The following VARS1 variants were observed in gnomAD, a reference collection of about 807,000 sequenced individuals.
The protein encoded by VARS1 is valine--tRNA ligase.
VARS1 carries 92 observed loss-of-function variants against 161.0 expected under a neutral mutation model. The ratio of observed to expected loss-of-function variants is 0.57; its 90% CI spans 0.48 to 0.68. The LOEUF (loss-of-function observed/expected upper bound fraction) is 0.68. VARS1 is among the 30% of genes least tolerant of loss of function. The pLI is 0.00. For missense variants in VARS1, 1,338 were observed against 1,695.9 expected (o/e 0.79, Z 3.71); for synonymous variants, 595 against 682.5 (o/e 0.87, Z 2.00).
In VARS1 at chr6:31,784,211, C is replaced by T. The variant is rs1209621454; in HGVS notation, c.1671+3G>A. The T allele has an allele frequency of 1.2e-6, 2 of 1,614,148 alleles. No homozygotes were observed. The highest frequency in any genetic ancestry group is 1.7e-6 in the Non-Finnish European group (2 of 1,180,022). On this transcript the variant is annotated splice_donor_region_variant and intron_variant, in intron 13 of 29. Coordinates refer to ENST00000375663, the MANE Select transcript of VARS1 (RefSeq NM_006295.3). This position sits in a 1 kb window ranked among gnomAD's most constrained non-coding sequence, Gnocchi z 6.1. Reference sequence around the variant, plus strand: ...CCTTCCCTAACTGTGGACAGTCCCCCACCTGGTATCTGGTATCTTTGGGGT... The same window carrying T: ...CCTTCCCTAACTGTGGACAGTCCCCTACCTGGTATCTGGTATCTTTGGGGT...
chr6:31,783,414 G>A (rs150826336), intron 13 of VARS1, among the ~76,000 whole-genome samples: 267 of 152,200 alleles, frequency 1.8e-3, no homozygotes, highest in Middle Eastern at 3.4e-3. Context: ...AGAGGCTGAG[G>A]CACAAGTACT....
At chr6:31,794,802 C>G (rs577487619) in intron 2 of VARS1, 29 bp downstream of exon 2, 87 of 1,515,356 alleles carry the variant, frequency 5.7e-5, no homozygotes, top group Non-Finnish European at 7.1e-5. Flanking sequence ...GAATTTCTCC[C>G]CTCCCCCTCT....
At chr6:31,789,345 G>A (rs1051310684) in intron 8 of VARS1, among the ~76,000 whole-genome samples, 1 of 152,068 alleles carries the variant, frequency 6.6e-6, no homozygotes, top group African/African-American at 2.4e-5. Context: ...AACCTGACTG[G>A]CCAAAAAACA....
Position 31,782,365 on chromosome 6 carries a change from G to A in VARS1, c.2070C>T (p.Ser690=), listed in dbSNP as rs777386611. The change falls in exon 17 of 30, where the codon AGC becomes AGT. Residue 690 remains serine, a synonymous_variant. Coordinates refer to ENST00000375663, the MANE Select transcript of VARS1 (RefSeq NM_006295.3). This position sits in a 1 kb window ranked among gnomAD's most constrained non-coding sequence, Gnocchi z 8.3. ...VRCGEMAQAA[S]AAVTRGDLRI... ...GGAGGTCACCCCGAGTCACAGCGGC[G>A]CTGGCAGCCTGGGCCATCTCCCCGC... The A allele has an allele frequency of 5.3e-5, 85 of 1,612,570 alleles. No homozygotes were observed. The highest frequency in any genetic ancestry group is 1.6e-4 in the Middle Eastern group (1 of 6,080).
rs370147590 is a variant in VARS1 at position 31,782,407 on chromosome 6, C to T, written c.2028G>A (p.Pro676=). 36 of 1,612,074 alleles carry T rather than the reference C, an allele frequency of 2.2e-5. No individual in the cohort carries two copies. The highest frequency in any genetic ancestry group is 1.2e-4 in the South Asian group (11 of 90,942). The change falls in exon 17 of 30, where the codon CCG becomes CCA. Residue 676 remains proline, a synonymous_variant. Coordinates refer to ENST00000375663, the MANE Select transcript of VARS1 (RefSeq NM_006295.3). This position sits in a 1 kb window ranked among gnomAD's most constrained non-coding sequence, Gnocchi z 8.3. ...TCTCCCCGCAGCGAACGTACCACTG[C>T]GGCCGCAGCAGAGGCTCTACCACGT... ...SKDVVEPLLR[P]QWYVRCGEMA... is the part of the protein sequence containing the mutation.
In VARS1 at chr6:31,777,650, C is replaced by T; in HGVS notation, c.3739G>A (p.Glu1247Lys). Residue 1247 changes from glutamate (E) to lysine (K), a missense_variant, in exon 30 of 30, where the codon GAA becomes AAA. By Grantham distance (56) the Glu-to-Lys change is moderately conservative. This residue lies in a region of VARS1 where 433 missense variants were observed against 586.2 expected (regional missense o/e 0.74). Transcript: ENST00000375663. The surrounding 1 kb of genome is among the most constrained non-coding windows in gnomAD (Gnocchi z 5.8). ...EADEAKLQQT[E>K]AELRKVDEAI... The stretch of plus-strand genomic sequence containing the variant: ...TCATCCACCTTCCTGAGCTCTGCTT[C>T]TGTCTGTTGGAGCTGGAGTGGAACC... 6.2e-7 allele frequency: 1 copy of T among 1,613,844 alleles called. No homozygotes were observed. Among genetic ancestry groups the T allele is most frequent in the Non-Finnish European group, 8.5e-7 (1 of 1,179,876 alleles).
At position 31,795,130 on chromosome 6, in the gene VARS1, C is replaced by T; in HGVS notation, c.88G>A (p.Gly30Ser). The change falls in exon 2 of 30, where the codon GGT (glycine) becomes AGT (serine). Residue 30 changes from glycine (G) to serine (S), a missense_variant. Gly to Ser is a moderately conservative substitution (Grantham distance 56). Coordinates refer to ENST00000375663, the MANE Select transcript of VARS1 (RefSeq NM_006295.3). This position sits in a 1 kb window ranked among gnomAD's most constrained non-coding sequence, Gnocchi z 6.9. ...IAARYGEAGE[G>S]PGWGGAHPRI... ...GGGTGGGCTCCTCCCCATCCGGGAC[C>T]CTCCCCAGCCTCCCCATAGCGAGCG... 1 of 1,483,848 alleles carries T rather than the reference C, an allele frequency of 6.7e-7. No individual in the cohort carries two copies. The allele number at this position is 1,483,848 out of a possible 1,614,324, so 91.9% of individuals were successfully genotyped here.
In VARS1 at chr6:31,785,999, G is replaced by A. The variant is rs574527279; in HGVS notation, c.1101-266C>T. 3.5e-4 allele frequency among the ~76,000 whole-genome samples: 53 copies of A among 152,332 alleles called. No homozygotes were observed. Among genetic ancestry groups the A allele is most frequent in the Middle Eastern group, 3.4e-3 (1 of 294 alleles). The stretch of plus-strand genomic sequence containing the variant: ...AAATTAGCTGGGCATGGTGGCATGC[G>A]CCTGTAATCCCAGCACTTTGGGAAG... On this transcript the variant is annotated intron_variant, in intron 8 of 29. Coordinates refer to ENST00000375663, the MANE Select transcript of VARS1 (RefSeq NM_006295.3). This position sits in a 1 kb window ranked among gnomAD's most constrained non-coding sequence, Gnocchi z 6.1.
rs750154252 is a variant in VARS1, at chr6:31,781,694, G to A, written c.2415C>T (p.Asn805=). 1.2e-6 allele frequency: 2 copies of A among 1,613,008 alleles called. No individual in the cohort carries two copies. The highest frequency in any genetic ancestry group is 2.2e-5 in the South Asian group (2 of 91,090). Residue 805 remains asparagine (N), a synonymous_variant, in exon 20 of 30, where the codon AAC becomes AAT. Coordinates refer to ENST00000375663, the MANE Select transcript of VARS1 (RefSeq NM_006295.3). This position sits in a 1 kb window ranked among gnomAD's most constrained non-coding sequence, Gnocchi z 6.8. ...AGCCCCGGCCCCAGGAACACACCTG[G>A]TTGGGCCAGCCCAAAATGGATAAGG... is the stretch of plus-strand genomic sequence containing the variant. The part of the protein sequence containing the change: ...LFPLSILGWP[N]QSEDLSVFYP...
Position 31,788,511 on chromosome 6 carries a change from C to CAA in VARS1, c.1101-2780_1101-2779dup, listed in dbSNP as rs71552082. On this transcript the variant is annotated intron_variant, in intron 8 of 29. Coordinates refer to ENST00000375663, the MANE Select transcript of VARS1 (RefSeq NM_006295.3). ...CTCTGTCTCAAAAAAACAAAAAAAA[C>CAA]AAAAAAAAAAACAGGCCAGGCGCGG... Among the ~76,000 whole-genome samples, 1,316 of 138,270 alleles carry CAA rather than the reference C, an allele frequency of 9.5e-3. 7 individuals carry two copies. Among genetic ancestry groups the CAA allele is most frequent in the South Asian group, 0.039 (163 of 4,224 alleles). The allele number at this position is 138,270 out of a possible 152,430, so 90.7% of individuals were successfully genotyped here.
rs368075745 is a variant in VARS1 at position 31,779,043 on chromosome 6, C to T, written c.3650G>A (p.Arg1217His). ...KRVEAQRQAQRLRERRAASGY... is the reference protein window; with the variant it reads ...KRVEAQRQAQHLRERRAASGY... ...CGAGGCAGCACGGCGTTCCCGCAGACGCTGGGCCTGCCGCTGGGCCTCAAC... is the reference window on the plus strand; with the variant it reads ...CGAGGCAGCACGGCGTTCCCGCAGATGCTGGGCCTGCCGCTGGGCCTCAAC... Residue 1217 changes from arginine to histidine, a missense_variant, in exon 29 of 30, where the codon CGT (arginine) becomes CAT (histidine). This residue lies in a region of VARS1 where 433 missense variants were observed against 586.2 expected (regional missense o/e 0.74). Coordinates refer to ENST00000375663, the MANE Select transcript of VARS1 (RefSeq NM_006295.3). The surrounding 1 kb of genome is among the most constrained non-coding windows in gnomAD (Gnocchi z 9.1). The T allele has an allele frequency of 1.4e-4, 231 of 1,612,670 alleles. No homozygotes were observed. The African/African-American group carries it at 1.9e-3, about 13-fold the overall frequency.
intron 2 of VARS1, 38 bp from the exon 3 acceptor site, chr6:31,793,158 C>T: frequency 6.4e-7 from 1 of 1,558,078 alleles, no homozygotes; most frequent in African/African-American, 1.4e-5. Context: ...CAAGGTTTGG[C>T]CCACCTCCAT....
Position 31,779,797 on chromosome 6 carries a change from T to C in VARS1, c.3099A>G (p.Val1033=). The change falls in exon 27 of 30, where the codon GTA becomes GTG. Residue 1033 remains valine (V), a synonymous_variant. Transcript: ENST00000375663. The surrounding 1 kb of genome is among the most constrained non-coding windows in gnomAD (Gnocchi z 9.1). ...CTGCCACCTGGTCCACCCCATTCAG[T>C]ACAGGTTTCAGGCACTCCTAGGGGA... ...CDVYLECLKP[V]LNGVDQVAAE... 6.2e-7 allele frequency: 1 copy of C among 1,612,958 alleles called. No individual in the cohort carries two copies. The highest frequency in any genetic ancestry group is 2.2e-5 in the East Asian group (1 of 44,868).
At position 31,795,385 on chromosome 6, in the gene VARS1, G is replaced by A. The variant is rs1814212974; in HGVS notation, c.-33-135C>T. 7.8e-6 allele frequency: 4 copies of A among 516,014 alleles called. No individual in the cohort carries two copies. Among genetic ancestry groups the A allele is most frequent in the Non-Finnish European group, 1.2e-5 (4 of 332,886 alleles). 32.0% of individuals were successfully genotyped at this position (516,014 alleles called of 1,614,324 possible). ...TAGGACTGAGGGTCTGACCAGGCAG[G>A]CTGTCAGGAGCCGAGGACCTGGCTC... On this transcript the variant is annotated intron_variant, in intron 1 of 29. Transcript: ENST00000375663. The surrounding 1 kb of genome is among the most constrained non-coding windows in gnomAD (Gnocchi z 6.9).
In VARS1 at chr6:31,779,547, G is replaced by C; in HGVS notation, c.3289-11C>G. On this transcript the variant is annotated splice_polypyrimidine_tract_variant and intron_variant, in intron 27 of 29. Transcript: ENST00000375663. The surrounding 1 kb of genome is among the most constrained non-coding windows in gnomAD (Gnocchi z 9.1). ...GTCCTTCCAGGAGCACTGTGGGGTG[G>C]AGGAGGGGGTGAGGGGGCCTGGAGG... 1.2e-6 allele frequency: 2 copies of C among 1,612,362 alleles called. No homozygotes were observed. The highest frequency in any genetic ancestry group is 1.7e-6 in the Non-Finnish European group (2 of 1,179,692).
At position 31,791,480 on chromosome 6, in the gene VARS1, G is replaced by A. The variant is rs888533256; in HGVS notation, c.1100+130C>T. 3 of 1,298,336 alleles carry A rather than the reference G, an allele frequency of 2.3e-6. No individual in the cohort carries two copies. The highest frequency in any genetic ancestry group is 2.1e-6 in the Non-Finnish European group (2 of 967,334). The allele number at this position is 1,298,336 out of a possible 1,614,324, so 80.4% of individuals were successfully genotyped here. On this transcript the variant is annotated intron_variant, in intron 8 of 29. Coordinates refer to ENST00000375663, the MANE Select transcript of VARS1 (RefSeq NM_006295.3). This position sits in a 1 kb window ranked among gnomAD's most constrained non-coding sequence, Gnocchi z 5.0. ...AATGATCAGATTGGAATGACAGAGA[G>A]AAGTGTAGCACCACTGGGGGCAGAA...
In VARS1 at chr6:31,780,427, C is replaced by A. The variant is rs757559558; in HGVS notation, c.2925+14G>T. The A allele has an allele frequency of 6.2e-7, 1 of 1,609,358 alleles. No individual in the cohort carries two copies. The highest frequency in any genetic ancestry group is 8.5e-7 in the Non-Finnish European group (1 of 1,177,676). On this transcript the variant is annotated intron_variant, in intron 25 of 29. Coordinates refer to ENST00000375663, the MANE Select transcript of VARS1 (RefSeq NM_006295.3). This position sits in a 1 kb window ranked among gnomAD's most constrained non-coding sequence, Gnocchi z 5.1. Reference sequence around the variant, plus strand: ...TGTGAGTGCTGCCAGCTTTGCTGCCCACCAGGCCCTTACCTGGGAGGTGGG... The same window carrying A: ...TGTGAGTGCTGCCAGCTTTGCTGCCAACCAGGCCCTTACCTGGGAGGTGGG...
chr6:31,791,621 G>T lies in VARS1; in HGVS notation c.1089C>A (p.Ser363=). 6.2e-7 allele frequency: 1 copy of T among 1,611,598 alleles called. No individual in the cohort carries two copies. The highest frequency in any genetic ancestry group is 8.5e-7 in the Non-Finnish European group (1 of 1,179,166). ...AGATAGAAGCTCACCATCGAGTCAG[G>T]GAGTCCTGGATGGCGTTGGTGAGTG... ...GHALTNAIQD[S]LTRWHRMRGE... Residue 363 remains serine (S), a synonymous_variant, in exon 8 of 30, where the codon TCC becomes TCA. Coordinates refer to ENST00000375663, the MANE Select transcript of VARS1 (RefSeq NM_006295.3). This position sits in a 1 kb window ranked among gnomAD's most constrained non-coding sequence, Gnocchi z 5.0.
Position 31,785,673 on chromosome 6 carries a change from G to A in VARS1, c.1161C>T (p.Ala387=). ...GCTTCTTCTCCACCACCACCTGGGTGGCAATACCTGCATGGTCACAGCCAG... is the reference window on the plus strand; with the variant it reads ...GCTTCTTCTCCACCACCACCTGGGTAGCAATACCTGCATGGTCACAGCCAG... ...WNPGCDHAGI[A]TQVVVEKKLW... is the part of the protein sequence containing the mutation. Residue 387 remains alanine, a synonymous_variant, in exon 9 of 30, where the codon GCC becomes GCT. Transcript: ENST00000375663. The surrounding 1 kb of genome is among the most constrained non-coding windows in gnomAD (Gnocchi z 6.1). The A allele has an allele frequency of 8.7e-6, 14 of 1,612,960 alleles. No homozygotes were observed. The highest frequency in any genetic ancestry group is 1.2e-5 in the Non-Finnish European group (14 of 1,180,020).
Sources: allele counts gnomAD v4.1 joint callset (sites outside exome capture counted in the v4.1 genomes callset), GRCh38; gene constraint gnomAD v4.1.1; regional missense constraint gnomAD v4.1.1; non-coding constraint Gnocchi (gnomAD v3.1); transcripts MANE v1.5; gene names NCBI Gene and HGNC (gene_info 2026-07-23, HGNC 2026-07-21).